ADAMTSL1: variants seen among roughly 807,000 people sequenced by gnomAD.
ADAMTSL1 encodes the protein ADAMTS like 1, also known as ADAMTS-like protein 1.
Under a neutral mutation model 201.8 loss-of-function variants are expected in ADAMTSL1, and 126 were observed. The ratio of observed to expected loss-of-function variants is 0.62; its 90% CI spans 0.54 to 0.72. ADAMTSL1 has a LOEUF of 0.72. ADAMTSL1 is among the 30% of genes least tolerant of loss of function. ADAMTSL1 has a pLI of 0.00. For missense variants in ADAMTSL1, 2,679 were observed against 2,277.8 expected (o/e 1.18, Z -3.59); for synonymous variants, 1,121 against 903.4 (o/e 1.24, Z -4.32).
intron 2 of ADAMTSL1, among the ~76,000 whole-genome samples, chr9:18,315,574 C>T (rs567319711): frequency 6.6e-6 from 1 of 152,306 alleles, no homozygotes; most frequent in South Asian, 2.1e-4. Flanking sequence ...CCCTCCGCAG[C>T]TGCTGGCCCA....
intron 7 of ADAMTSL1, among the ~76,000 whole-genome samples, chr9:18,651,727 C>T (rs747254051): frequency 2.0e-5 from 3 of 152,112 alleles, no homozygotes; most frequent in African/African-American, 7.2e-5. Flanking sequence ...GCGATTTCTG[C>T]TTGCATCAGT....
chr9:17,993,747 C>T (rs938780930), intron 1 of ADAMTSL1, among the ~76,000 whole-genome samples: 1 of 152,118 alleles, frequency 6.6e-6, no homozygotes, highest in Non-Finnish European at 1.5e-5. Context: ...AAGAAATTGG[C>T]TATTACATTC....
At chr9:18,160,729 G>C (rs796600620) in intron 1 of ADAMTSL1, among the ~76,000 whole-genome samples, 7 of 151,592 alleles carry the variant, frequency 4.6e-5, no homozygotes, top group African/African-American at 1.7e-4. Flanking sequence ...GCCCAGGCCA[G>C]AGTGTAGTGG....
chr9:18,444,087 C>T (rs532245498), intron 2 of ADAMTSL1, among the ~76,000 whole-genome samples: 5 of 152,156 alleles, frequency 3.3e-5, no homozygotes, highest in Admixed American at 1.3e-4. Flanking sequence ...AGTTATTTTA[C>T]TTGGGGATAA....
At chr9:17,937,768 A>G (rs1048556807) in intron 1 of ADAMTSL1, among the ~76,000 whole-genome samples, 1 of 152,208 alleles carries the variant, frequency 6.6e-6, no homozygotes, top group Non-Finnish European at 1.5e-5. Context: ...TACCAACAGC[A>G]ACAAAACATA....
chr9:18,073,643 C>A (rs1422687300), intron 1 of ADAMTSL1, among the ~76,000 whole-genome samples: 2 of 152,152 alleles, frequency 1.3e-5, no homozygotes, highest in African/African-American at 4.8e-5. Flanking sequence ...ATAACTATAT[C>A]ATGTTATTGA....
chr9:18,517,662 T>C (rs1818441675), intron 2 of ADAMTSL1, among the ~76,000 whole-genome samples: 1 of 151,112 alleles, frequency 6.6e-6, no homozygotes, highest in African/African-American at 2.4e-5. Flanking sequence ...AGTGAGATTA[T>C]GCAGTGTTTG....
At chr9:17,978,447 T>TG in intron 1 of ADAMTSL1, among the ~76,000 whole-genome samples, 1 of 152,212 alleles carries the variant, frequency 6.6e-6, no homozygotes, top group African/African-American at 2.4e-5. Context: ...CTCTTTATTT[T>TG]GGGGGAATTT....
At chr9:17,969,626 G>A (rs1372913568) in intron 1 of ADAMTSL1, among the ~76,000 whole-genome samples, 1 of 152,020 alleles carries the variant, frequency 6.6e-6, no homozygotes, top group East Asian at 1.9e-4. Flanking sequence ...AATGAGATCT[G>A]AAGAAATATT....
At chr9:18,704,875 T>A (rs1321029875) in intron 13 of ADAMTSL1, among the ~76,000 whole-genome samples, 1 of 152,200 alleles carries the variant, frequency 6.6e-6, no homozygotes, top group Non-Finnish European at 1.5e-5. Context: ...TGGGTGGCCA[T>A]TCTACCCTCA....
At chr9:17,958,877 G>C (rs1204356643) in intron 1 of ADAMTSL1, among the ~76,000 whole-genome samples, 2 of 152,092 alleles carry the variant, frequency 1.3e-5, no homozygotes, top group Non-Finnish European at 2.9e-5. Context: ...CAATAGTTGA[G>C]AAGAGAAAAT....
intron 3 of ADAMTSL1, among the ~76,000 whole-genome samples, chr9:18,572,880 G>A (rs543244872): frequency 1.3e-5 from 2 of 152,240 alleles, no homozygotes; most frequent in South Asian, 4.1e-4. Flanking sequence ...TAGAATAAAA[G>A]CCTTTCTACA....
chr9:18,844,992 G>C (rs183197419), intron 23 of ADAMTSL1, among the ~76,000 whole-genome samples: 5,816 of 152,286 alleles, frequency 0.038, 153 homozygotes, highest in South Asian at 0.092. Flanking sequence ...TGCGCTTCCC[G>C]AGTGAGGCAA....
intron 2 of ADAMTSL1, among the ~76,000 whole-genome samples, chr9:18,258,526 G>A (rs563334237): frequency 6.6e-6 from 1 of 152,210 alleles, no homozygotes; most frequent in East Asian, 1.9e-4. Flanking sequence ...TGCCATCCTT[G>A]CCTCTTGCCA....
intron 2 of ADAMTSL1, among the ~76,000 whole-genome samples, chr9:18,296,561 CCTT>C (rs1176741272): frequency 6.6e-6 from 1 of 151,910 alleles, no homozygotes; most frequent in Non-Finnish European, 1.5e-5. Context: ...TTTGGTAAAA[CCTT>C]AATGTTGCAT....
chr9:18,275,107 G>A (rs1832536181), intron 2 of ADAMTSL1, among the ~76,000 whole-genome samples: 1 of 152,018 alleles, frequency 6.6e-6, no homozygotes, highest in Non-Finnish European at 1.5e-5. Context: ...TTTGTATTTG[G>A]CATTTTATGT....
intron 4 of ADAMTSL1, among the ~76,000 whole-genome samples, chr9:18,609,754 T>C (rs1290324729): frequency 6.6e-6 from 1 of 152,222 alleles, no homozygotes; most frequent in Admixed American, 6.6e-5. Flanking sequence ...CTGATAATTC[T>C]GGAGACTATG....
intron 21 of ADAMTSL1, among the ~76,000 whole-genome samples, chr9:18,824,677 C>CCGGGACTTG (rs1824422945): frequency 6.7e-6 from 1 of 149,688 alleles, no homozygotes; most frequent in Non-Finnish European, 1.5e-5. Context: ...ACCCCATTTC[C>CCGGGACTTG]CGGGACTTGA....
chr9:18,649,831 G>T lies in ADAMTSL1; in HGVS notation c.835-7808G>T, dbSNP rs545900892. ...GTGCCTCCCAGTTAGGCTTCTTGGG[G>T]GTCAGGGGTCAGGGACCTACTTGAG... On this transcript the variant is annotated intron_variant, in intron 7 of 28. Coordinates refer to ENST00000380548, the MANE Select transcript of ADAMTSL1 (RefSeq NM_001040272.6). Among the ~76,000 whole-genome samples, 5 of 152,254 alleles carry T rather than the reference G, an allele frequency of 3.3e-5. No individual in the cohort carries two copies. In the East Asian group the frequency reaches 9.7e-4, roughly 29 times the overall value.
Sources: allele counts gnomAD v4.1 joint callset (sites outside exome capture counted in the v4.1 genomes callset), GRCh38; gene constraint gnomAD v4.1.1; transcripts MANE v1.5; gene names NCBI Gene and HGNC (gene_info 2026-07-23, HGNC 2026-07-21).